The following SPAG16 variants were observed in gnomAD, a reference collection of about 807,000 sequenced individuals.
SPAG16 encodes the protein sperm associated antigen 16, also known as sperm-associated antigen 16 protein.
SPAG16 carries 86 observed loss-of-function variants against 80.4 expected under a neutral mutation model. That is an observed-to-expected ratio of 1.07 (90% CI 0.90 to 1.28). The LOEUF (loss-of-function observed/expected upper bound fraction) is 1.28. SPAG16 is among the 50% of genes most tolerant of loss of function. SPAG16 has a pLI of 0.00. For synonymous variants in SPAG16, 294 were observed against 265.9 expected (o/e 1.11, Z -1.03); for missense variants, 870 against 765.3 (o/e 1.14, Z -1.61).
Position 213,833,567 on chromosome 2 carries a change from ATATATATAT to A in SPAG16, c.1071-28917_1071-28909del, listed in dbSNP as rs2073904774. On this transcript the variant is annotated intron_variant, in intron 10 of 15. Coordinates refer to ENST00000331683, the MANE Select transcript of SPAG16 (RefSeq NM_024532.5). The stretch of plus-strand genomic sequence containing the variant: ...ATATATAATATATATAATATATATA[ATATATATAT>A]AATATATATATTATATATATATAAA... Among the ~76,000 whole-genome samples, 13 of 3,786 alleles carry A rather than the reference ATATATATAT, an allele frequency of 3.4e-3. 1 individual carries two copies. The highest frequency in any genetic ancestry group is 4.6e-3 in the Non-Finnish European group (12 of 2,594). 2.5% of individuals were successfully genotyped at this position (3,786 alleles called of 152,430 possible).
intron 13 of SPAG16, among the ~76,000 whole-genome samples, chr2:214,021,251 A>T (rs185156243): frequency 2.0e-5 from 3 of 152,296 alleles, no homozygotes; most frequent in East Asian, 3.9e-4. Context: ...TATTATAAAG[A>T]TCCTAATCAT....
chr2:213,398,265 AC>A (rs1299247793), intron 9 of SPAG16, among the ~76,000 whole-genome samples: 6 of 152,102 alleles, frequency 3.9e-5, no homozygotes, highest in Admixed American at 2.6e-4. Flanking sequence ...TCTCTTTTGA[AC>A]ACAGCAGCCA....
At chr2:213,968,006 A>C (rs1367352628) in intron 12 of SPAG16, among the ~76,000 whole-genome samples, 1 of 152,184 alleles carries the variant, frequency 6.6e-6, no homozygotes, top group East Asian at 1.9e-4. Flanking sequence ...AATGTCCAAC[A>C]TACTGTGTGG....
intron 10 of SPAG16, among the ~76,000 whole-genome samples, chr2:213,572,772 C>T (rs538705269): frequency 5.9e-5 from 9 of 152,202 alleles, no homozygotes; most frequent in Non-Finnish European, 1.0e-4. Context: ...CTACCCAGTT[C>T]GAGCTTCCTG....
chr2:213,965,401 C>T (rs1239316010), intron 12 of SPAG16, among the ~76,000 whole-genome samples: 1 of 148,650 alleles, frequency 6.7e-6, no homozygotes, highest in East Asian at 1.9e-4. Context: ...GTCTCTCTTG[C>T]TATCACACTC....
chr2:213,579,607 A>G (rs1020839249), intron 10 of SPAG16, among the ~76,000 whole-genome samples: 3 of 152,140 alleles, frequency 2.0e-5, no homozygotes, highest in African/African-American at 7.2e-5. Context: ...ATATCTAAAT[A>G]AAGAAGGAGT....
intron 10 of SPAG16, among the ~76,000 whole-genome samples, chr2:213,793,654 T>C (rs116731313): frequency 3.3e-3 from 507 of 152,304 alleles, no homozygotes; most frequent in Middle Eastern, 6.8e-3. Flanking sequence ...TAAGCACTAG[T>C]AATAATTCAA....
At chr2:213,782,533 T>C (rs1297144402) in intron 10 of SPAG16, among the ~76,000 whole-genome samples, 1 of 152,186 alleles carries the variant, frequency 6.6e-6, no homozygotes, top group African/African-American at 2.4e-5. Flanking sequence ...AAAAAGAAAT[T>C]ACATAGCTGT....
chr2:214,038,112 C>T (rs969526244), intron 13 of SPAG16, among the ~76,000 whole-genome samples: 3 of 151,966 alleles, frequency 2.0e-5, no homozygotes, highest in East Asian at 1.9e-4. Flanking sequence ...ATCATGTGTA[C>T]TGTGTTATAT....
intron 10 of SPAG16, among the ~76,000 whole-genome samples, chr2:213,789,509 G>T (rs1370510681): frequency 2.0e-5 from 3 of 151,898 alleles, no homozygotes; most frequent in Non-Finnish European, 4.4e-5. Flanking sequence ...CACACAAGGT[G>T]ATTATTTTGT....
chr2:213,399,984 T>C (rs1222308528), intron 9 of SPAG16, among the ~76,000 whole-genome samples: 5 of 152,092 alleles, frequency 3.3e-5, no homozygotes, highest in African/African-American at 1.2e-4. Context: ...CATAATTATA[T>C]TCTCTTTAAT....
At chr2:214,076,008 T>C (rs527296857) in intron 13 of SPAG16, among the ~76,000 whole-genome samples, 1 of 152,310 alleles carries the variant, frequency 6.6e-6, no homozygotes, top group South Asian at 2.1e-4. Flanking sequence ...CATATGTCTA[T>C]ATTTGAATGC....
intron 15 of SPAG16, among the ~76,000 whole-genome samples, chr2:214,334,504 C>A (rs1697144723): frequency 6.6e-6 from 1 of 152,104 alleles, no homozygotes; most frequent in African/African-American, 2.4e-5. Flanking sequence ...CTGAGAATTC[C>A]ATCTTCTCTG....
At chr2:214,280,899 A>G (rs1370415707) in intron 15 of SPAG16, 3 of 432,368 alleles carry the variant, frequency 6.9e-6, no homozygotes, top group South Asian at 2.0e-5. Flanking sequence ...TTAGTAGCAC[A>G]TGTAATCTGC....
intron 12 of SPAG16, among the ~76,000 whole-genome samples, chr2:213,954,537 G>A (rs1417054975): frequency 4.6e-5 from 7 of 151,906 alleles, no homozygotes; most frequent in Non-Finnish European, 7.4e-5. Flanking sequence ...TGGGATACAC[G>A]TATAGAATGT....
At chr2:214,376,544 G>T (rs1700144215) in intron 15 of SPAG16, among the ~76,000 whole-genome samples, 1 of 152,036 alleles carries the variant, frequency 6.6e-6, no homozygotes, top group Non-Finnish European at 1.5e-5. Context: ...AATGGAAATT[G>T]TTTGGTTTGA....
chr2:213,473,201 T>C (rs1443443903), intron 9 of SPAG16, among the ~76,000 whole-genome samples: 4 of 152,232 alleles, frequency 2.6e-5, no homozygotes, highest in Admixed American at 6.5e-5. Context: ...GCTAGAGCTC[T>C]ACTTGAGTCA....
intron 9 of SPAG16, among the ~76,000 whole-genome samples, chr2:213,481,695 A>C (rs2073758617): frequency 6.6e-6 from 1 of 152,218 alleles, no homozygotes; most frequent in South Asian, 2.1e-4. Flanking sequence ...TTGTGCCAGT[A>C]GTAGGAACTA....
intron 1 of SPAG16, among the ~76,000 whole-genome samples, chr2:213,287,283 G>A (rs2062090044): frequency 6.6e-6 from 1 of 152,228 alleles, no homozygotes; most frequent in African/African-American, 2.4e-5. Context: ...GTGAATGAAT[G>A]AATCCCTTAT....
Sources: gnomAD v4.1 joint callset for allele counts (sites outside exome capture counted in the v4.1 genomes callset) on GRCh38, gnomAD v4.1.1 for gene constraint, MANE v1.5 for transcripts, NCBI Gene and HGNC (gene_info 2026-07-23, HGNC 2026-07-21) for gene names.